Variants in VPS53 observed in about 807,000 individuals in gnomAD.
VPS53 encodes VPS53 subunit of GARP complex, also known as vacuolar protein sorting-associated protein 53 homolog.
VPS53 carries 70 observed loss-of-function variants against 107.0 expected under a neutral mutation model. The observed-to-expected ratio is 0.65, with a 90% confidence interval of 0.54 to 0.80. The LOEUF (loss-of-function observed/expected upper bound fraction) is 0.80. Among genes scored for constraint, VPS53 ranks in the 30% least tolerant of loss-of-function variants. The pLI, the probability that VPS53 is intolerant of heterozygous loss-of-function variation, is 0.00. For synonymous variants in VPS53, 409 were observed against 393.3 expected (o/e 1.04, Z -0.47); for missense variants, 917 against 1,049.4 (o/e 0.87, Z 1.74).
At chr17:671,568 G>A (rs961511524) in intron 4 of VPS53, among the ~76,000 whole-genome samples, 1 of 152,142 alleles carries the variant, frequency 6.6e-6, no homozygotes, top group Admixed American at 6.5e-5. Context: ...AGTAAGGAAT[G>A]TGAGAGTAGA....
intron 4 of VPS53, among the ~76,000 whole-genome samples, chr17:667,735 C>G (rs79671786): frequency 0.047 from 7,005 of 147,906 alleles, 463 homozygotes; most frequent in East Asian, 0.28. Flanking sequence ...GCAGGGGACC[C>G]CAAGCCCTGG....
chr17:687,483 G>A (rs1481266726), intron 4 of VPS53, among the ~76,000 whole-genome samples: 2 of 152,106 alleles, frequency 1.3e-5, no homozygotes, highest in African/African-American at 4.8e-5. Context: ...GGCTGAGGCA[G>A]GGGAATTGCT....
intron 19 of VPS53, chr17:522,927 A>C (rs367852010): frequency 6.6e-6 from 1 of 152,178 alleles, no homozygotes; most frequent in Non-Finnish European, 1.5e-5. Flanking sequence ...CAGCTCACCA[A>C]ACTCATCTCA....
In VPS53 at chr17:548,541, G is replaced by A. The variant is rs57979308; in HGVS notation, c.1866+3331C>T. Among the ~76,000 whole-genome samples, 282 of 60,030 alleles carry A rather than the reference G, an allele frequency of 4.7e-3. 6 individuals carry two copies. The highest frequency in any genetic ancestry group is 0.011 in the African/African-American group (107 of 9,980). 39.4% of individuals were successfully genotyped at this position (60,030 alleles called of 152,430 possible). On this transcript the variant is annotated intron_variant, in intron 17 of 21. Transcript: ENST00000437048. ...AACAGTCCTTCTGGAATCATCCAACGACTACACTCCACTTTGGCCAGCCAA... is the reference window on the plus strand; with the variant it reads ...AACAGTCCTTCTGGAATCATCCAACAACTACACTCCACTTTGGCCAGCCAA...
chr17:536,979 T>C, intron 18 of VPS53, 49 bp downstream of exon 18: 1 of 1,603,770 alleles, frequency 6.2e-7, no homozygotes, highest in Non-Finnish European at 8.5e-7. Flanking sequence ...AAACATAAAG[T>C]CTATTAAAAA....
intron 1 of VPS53, among the ~76,000 whole-genome samples, chr17:713,592 C>A (rs1360271843): frequency 1.3e-5 from 2 of 151,510 alleles, no homozygotes; most frequent in African/African-American, 4.9e-5. Flanking sequence ...GCGGAGGTTG[C>A]AGTGAGCCGA....
At chr17:566,126 C>A (rs936104064) in intron 13 of VPS53, among the ~76,000 whole-genome samples, 1 of 149,944 alleles carries the variant, frequency 6.7e-6, no homozygotes, top group African/African-American at 2.5e-5. Context: ...ATGGCGTGAA[C>A]CCGGGAGGCG....
intron 4 of VPS53, among the ~76,000 whole-genome samples, chr17:683,568 AAGGAGATAAAAATGAGATCTATGTG>A (rs1426862250): frequency 1.3e-5 from 2 of 152,242 alleles, no homozygotes; most frequent in African/African-American, 4.8e-5. Flanking sequence ...ACTCAGATCT[AAGGAGATAAAAATGAGATCTATGTG>A]AGGTGACAAA....
At chr17:653,944 C>A (rs1971068201) in intron 6 of VPS53, among the ~76,000 whole-genome samples, 1 of 152,198 alleles carries the variant, frequency 6.6e-6, no homozygotes, top group Non-Finnish European at 1.5e-5. Flanking sequence ...GCCTGTCATA[C>A]CCACACTGTG....
At chr17:599,107 C>G (rs567479394) in intron 12 of VPS53, among the ~76,000 whole-genome samples, 1 of 141,482 alleles carries the variant, frequency 7.1e-6, no homozygotes, top group Non-Finnish European at 1.6e-5. Flanking sequence ...CCAGGCCAGC[C>G]GCCCCGTCCG....
At chr17:526,867 C>T (rs909113367) in intron 19 of VPS53, among the ~76,000 whole-genome samples, 2 of 152,092 alleles carry the variant, frequency 1.3e-5, no homozygotes, top group East Asian at 1.9e-4. Context: ...GAAAATTTTG[C>T]GTAAATAAGA....
At chr17:613,369 C>A (rs1295723365) in intron 11 of VPS53, among the ~76,000 whole-genome samples, 2 of 151,400 alleles carry the variant, frequency 1.3e-5, no homozygotes, top group Admixed American at 6.6e-5. Flanking sequence ...AAAACCTGCA[C>A]AGATATTCAC....
At chr17:706,686 T>G (rs370834004) in intron 2 of VPS53, among the ~76,000 whole-genome samples, 17 of 152,226 alleles carry the variant, frequency 1.1e-4, no homozygotes, top group Admixed American at 8.5e-4. Context: ...CCCAGATTTC[T>G]TATAAAGCTA....
chr17:673,538 G>A (rs978554860), intron 4 of VPS53, among the ~76,000 whole-genome samples: 16 of 152,216 alleles, frequency 1.1e-4, no homozygotes, highest in African/African-American at 3.6e-4. Flanking sequence ...AGAGGCTGTC[G>A]GACTCTCACA....
intron 5 of VPS53, chr17:656,890 G>C: frequency 6.5e-7 from 1 of 1,549,514 alleles, no homozygotes; most frequent in Non-Finnish European, 8.9e-7. Flanking sequence ...TCCATCGTTT[G>C]TTGCCCTTGC....
At chr17:626,938 G>C (rs1331393141) in intron 10 of VPS53, among the ~76,000 whole-genome samples, 2 of 152,158 alleles carry the variant, frequency 1.3e-5, no homozygotes, top group Non-Finnish European at 2.9e-5. Flanking sequence ...CCTTGAGTTG[G>C]TGGAGAAGGT....
At position 516,709 on chromosome 17, in the gene VPS53, C is replaced by T. The variant is rs1034463532; in HGVS notation, c.*2419G>A. On this transcript the variant is annotated 3_prime_UTR_variant, in exon 22 of 22. Transcript: ENST00000437048. Reference sequence around the variant, plus strand: ...CCCCAGTGGTTCTGATGCACACCCCCAGAAGAGAAACACAGCGTCTCTACA... The same window carrying T: ...CCCCAGTGGTTCTGATGCACACCCCTAGAAGAGAAACACAGCGTCTCTACA... 1.3e-5 allele frequency: 2 copies of T among 152,180 alleles called. No individual in the cohort carries two copies. The highest frequency in any genetic ancestry group is 2.9e-5 in the Non-Finnish European group (2 of 68,062). The allele number at this position is 152,180 out of a possible 1,614,324, so 9.4% of individuals were successfully genotyped here.
At chr17:674,073 C>T (rs1351107238) in intron 4 of VPS53, 1 of 152,206 alleles carries the variant, frequency 6.6e-6, no homozygotes, top group Non-Finnish European at 1.5e-5. Flanking sequence ...ATGCAGCTTC[C>T]TTTGACGAAA....
chr17:635,023 T>C (rs979165389), intron 7 of VPS53, among the ~76,000 whole-genome samples: 1 of 152,126 alleles, frequency 6.6e-6, no homozygotes, highest in Non-Finnish European at 1.5e-5. Context: ...CAGTGTAAAA[T>C]TGTTCCTATT....
Sources: gnomAD v4.1 joint callset for allele counts (sites outside exome capture counted in the v4.1 genomes callset) on GRCh38, gnomAD v4.1.1 for gene constraint, MANE v1.5 for transcripts, NCBI Gene and HGNC (gene_info 2026-07-23, HGNC 2026-07-21) for gene names.